ZBTB44: variants seen among roughly 807,000 people sequenced by gnomAD.
The protein encoded by ZBTB44 is zinc finger and BTB domain-containing protein 44.
ZBTB44 carries 15 observed loss-of-function variants against 54.0 expected under a neutral mutation model. That is an observed-to-expected ratio of 0.28 (90% confidence interval 0.19 to 0.43). The LOEUF (loss-of-function observed/expected upper bound fraction) is 0.43, where lower values mean the gene tolerates loss of function less well. Among genes scored for constraint, ZBTB44 ranks in the 20% least tolerant of loss-of-function variants. The pLI, the probability that ZBTB44 is intolerant of heterozygous loss-of-function variation, is 1.00. For missense variants in ZBTB44, 487 were observed against 707.1 expected (o/e 0.69, Z 3.53); for synonymous variants, 230 against 250.1 (o/e 0.92, Z 0.76).
intron 1 of ZBTB44, among the ~76,000 whole-genome samples, chr11:130,268,374 C>A (rs1156374840): frequency 6.6e-6 from 1 of 152,160 alleles, no homozygotes; most frequent in Admixed American, 6.5e-5. Context: ...AATATCAAGG[C>A]AAGACCTTCC....
At chr11:130,258,471 T>C (rs974126482) in intron 2 of ZBTB44, among the ~76,000 whole-genome samples, 2 of 152,188 alleles carry the variant, frequency 1.3e-5, no homozygotes, top group Non-Finnish European at 2.9e-5. Context: ...TCCTAAAATA[T>C]CTGCATGTTT....
chr11:130,292,130 T>C (rs1015178971), intron 1 of ZBTB44, among the ~76,000 whole-genome samples: 3 of 152,262 alleles, frequency 2.0e-5, no homozygotes, highest in African/African-American at 7.2e-5. Context: ...TACTATTTCA[T>C]TGCATGGATG....
At chr11:130,288,613 A>G (rs1245441852) in intron 1 of ZBTB44, among the ~76,000 whole-genome samples, 1 of 151,690 alleles carries the variant, frequency 6.6e-6, no homozygotes, top group Non-Finnish European at 1.5e-5. Context: ...AAATCAGGAC[A>G]CAGGCCTGGT....
chr11:130,271,092 A>G lies in ZBTB44; in HGVS notation c.-56-9163T>C, dbSNP rs144987793. 9.1e-4 allele frequency among the ~76,000 whole-genome samples: 139 copies of G among 152,354 alleles called. 2 individuals are homozygous for G. The East Asian group carries it at 0.022, about 24-fold the overall frequency. On this transcript the variant is annotated intron_variant, in intron 1 of 7. Transcript: ENST00000357899. ...CTCTCGACCCTGTCCAGTATTGCAC[A>G]TAACATACAACAGAGTGAAATATAT...
rs748954468 is a variant in ZBTB44, at chr11:130,237,070, G to C, written c.1291C>G (p.Arg431Gly). 1 of 1,586,302 alleles carries C rather than the reference G, an allele frequency of 6.3e-7. No individual in the cohort carries two copies. The highest frequency in any genetic ancestry group is 1.8e-5 in the Admixed American group (1 of 55,772). ...GCCCTGGTGAACTTTTTCCCACAGC[G>C]GTCACACTGAAATGGTTTAATTCCT... ...HSGIKPFQCDRCGKKFTRAYS... is the reference protein window; with the variant it reads ...HSGIKPFQCDGCGKKFTRAYS... The change falls in exon 5 of 8, where the codon CGC becomes GGC. Residue 431 changes from arginine (R) to glycine (G), a missense_variant. This residue lies in a region of ZBTB44 where 120 missense variants were observed against 240.3 expected (regional missense o/e 0.50). Transcript: ENST00000357899.
intron 2 of ZBTB44, among the ~76,000 whole-genome samples, 182 bp from the exon 3 acceptor site, chr11:130,240,078 G>C (rs1324711428): frequency 1.5e-5 from 2 of 131,834 alleles, no homozygotes; most frequent in African/African-American, 2.8e-5. Context: ...GTCTCGCTCT[G>C]TCGCCCAGGC....
At chr11:130,279,660 AAACCAACCAACCAACCAACC>A (rs112723247) in intron 1 of ZBTB44, among the ~76,000 whole-genome samples, 2 of 151,672 alleles carry the variant, frequency 1.3e-5, no homozygotes, top group Non-Finnish European at 2.9e-5. Context: ...CTCTGTCTCA[AAACCAACCAACCAACCAACC>A]AACCAACCAA....
chr11:130,271,079 T>G (rs1388930442), intron 1 of ZBTB44, among the ~76,000 whole-genome samples: 3 of 152,184 alleles, frequency 2.0e-5, no homozygotes, highest in Non-Finnish European at 1.5e-5. Flanking sequence ...CTCGACCCTG[T>G]CCAGTATTGC....
At position 130,267,292 on chromosome 11, in the gene ZBTB44, G is replaced by T. The variant is rs1376906045; in HGVS notation, c.-56-5363C>A. ...AACAAATTCAGAAAAGCTGGCAGAG[G>T]TTGGTTGGTTCATGAGGTTGAAGGA... On this transcript the variant is annotated intron_variant, in intron 1 of 7. Transcript: ENST00000357899. 2.0e-5 allele frequency among the ~76,000 whole-genome samples: 3 copies of T among 152,236 alleles called. No homozygotes were observed. In the South Asian group the frequency reaches 6.2e-4, roughly 32 times the overall value.
At chr11:130,251,016 C>T (rs150142358) in intron 2 of ZBTB44, among the ~76,000 whole-genome samples, 246 of 152,276 alleles carry the variant, frequency 1.6e-3, no homozygotes, top group African/African-American at 5.7e-3. Context: ...CATGTTCTAT[C>T]TCACCCAATG....
chr11:130,259,837 A>T (rs903652270), intron 2 of ZBTB44, among the ~76,000 whole-genome samples: 9 of 152,068 alleles, frequency 5.9e-5, no homozygotes, highest in African/African-American at 2.2e-4. Context: ...TAGCATTAGG[A>T]TAAATACGTA....
chr11:130,280,365 C>G (rs1008347766), intron 1 of ZBTB44, among the ~76,000 whole-genome samples: 39 of 152,212 alleles, frequency 2.6e-4, no homozygotes, highest in African/African-American at 8.2e-4. Flanking sequence ...CATTTAAACA[C>G]TAATCAAAAG....
intron 1 of ZBTB44, among the ~76,000 whole-genome samples, chr11:130,281,907 T>C (rs1940555301): frequency 6.6e-6 from 1 of 152,280 alleles, no homozygotes; most frequent in African/African-American, 2.4e-5. Context: ...GCCCGGCCTA[T>C]TGTTTTGATG....
intron 2 of ZBTB44, among the ~76,000 whole-genome samples, chr11:130,245,839 G>A (rs78086530): frequency 0.041 from 6,217 of 152,270 alleles, 315 homozygotes; most frequent in African/African-American, 0.12. Context: ...GTCTGGGACC[G>A]ATTCTAGTAC....
At chr11:130,300,252 A>T (rs1941918471) in intron 1 of ZBTB44, among the ~76,000 whole-genome samples, 1 of 152,180 alleles carries the variant, frequency 6.6e-6, no homozygotes, top group Non-Finnish European at 1.5e-5. Context: ...ATGGTTGTAT[A>T]ATAATGTGAA....
intron 1 of ZBTB44, among the ~76,000 whole-genome samples, chr11:130,274,773 T>C (rs1939937924): frequency 6.6e-6 from 1 of 152,232 alleles, no homozygotes; most frequent in African/African-American, 2.4e-5. Context: ...AGTACTTTGT[T>C]GAGGATTTTC....
chr11:130,266,621 C>T (rs536845789), intron 1 of ZBTB44, among the ~76,000 whole-genome samples: 39 of 152,244 alleles, frequency 2.6e-4, no homozygotes, highest in African/African-American at 9.1e-4. Flanking sequence ...AAAATATCAA[C>T]ATTAACAGGA....
At chr11:130,248,172 G>A (rs902624032) in intron 2 of ZBTB44, among the ~76,000 whole-genome samples, 2 of 152,144 alleles carry the variant, frequency 1.3e-5, no homozygotes, top group African/African-American at 4.8e-5. Flanking sequence ...ATACTCTTAT[G>A]GAACTTACAG....
intron 1 of ZBTB44, among the ~76,000 whole-genome samples, chr11:130,272,151 G>C (rs1240589821): frequency 6.6e-6 from 1 of 152,038 alleles, no homozygotes; most frequent in Admixed American, 6.5e-5. Context: ...AGAATAGCTT[G>C]AATCTGGGAG....
Sources: gnomAD v4.1 joint callset for allele counts (sites outside exome capture counted in the v4.1 genomes callset) on GRCh38, gnomAD v4.1.1 for gene constraint, gnomAD v4.1.1 regional missense constraint, MANE v1.5 for transcripts, NCBI Gene and HGNC (gene_info 2026-07-23, HGNC 2026-07-21) for gene names.